Variants in NEXN observed in about 807,000 individuals in gnomAD.
The protein encoded by NEXN is nexilin.
In NEXN, 65 loss-of-function variants were observed where a neutral mutation model predicts 92.6. The observed-to-expected ratio is 0.70, with a 90% CI of 0.57 to 0.86. The LOEUF (loss-of-function observed/expected upper bound fraction) is 0.86, where lower values mean the gene tolerates loss of function less well. NEXN is among the 40% of genes least tolerant of loss of function. The pLI is 0.00. For missense variants in NEXN, 778 were observed against 771.1 expected, an observed-to-expected ratio of 1.01 and a Z score of -0.11; for synonymous variants, 254 against 242.5, an observed-to-expected ratio of 1.05 and a Z score of -0.44.
intron 5 of NEXN, among the ~76,000 whole-genome samples, chr1:77,918,668 G>GAAAAAAAAAAAA (rs376219706): frequency 1.3e-5 from 1 of 77,180 alleles, no homozygotes; most frequent in Admixed American, 1.4e-4. Flanking sequence ...CTATCTCAAA[G>GAAAAAAAAAAAA]AAAAAAAAAA....
intron 1 of NEXN, among the ~76,000 whole-genome samples, chr1:77,900,170 G>C (rs980797745): frequency 4.6e-5 from 7 of 152,116 alleles, no homozygotes; most frequent in African/African-American, 1.7e-4. Flanking sequence ...TAGCTCCCCA[G>C]ATTTGCAATG....
At chr1:77,931,542 A>G (rs1650312382) in intron 9 of NEXN, 1 of 152,174 alleles carries the variant, frequency 6.6e-6, no homozygotes, top group African/African-American at 2.4e-5. Flanking sequence ...ACTAGCGGAA[A>G]AAATGCAGGC....
intron 1 of NEXN, among the ~76,000 whole-genome samples, chr1:77,900,612 T>C (rs2102046967): frequency 6.6e-6 from 1 of 152,328 alleles, no homozygotes; most frequent in South Asian, 2.1e-4. Flanking sequence ...TGGGTTATAC[T>C]AATATTGCAA....
intron 5 of NEXN, among the ~76,000 whole-genome samples, chr1:77,922,462 T>C (rs879336391): frequency 6.3e-4 from 96 of 152,014 alleles, no homozygotes; most frequent in Non-Finnish European, 1.2e-3. Context: ...TATTTTATTA[T>C]AGATCCATTA....
rs937917224 is a variant in NEXN, at chr1:77,943,602, A to G, written c.*773A>G. ...CGTATGTAATATATATTAAATTTAT[A>G]AAGCAAATTTATGTTGTGATCTTGC... On this transcript the variant is annotated 3_prime_UTR_variant, in exon 13 of 13. Transcript: ENST00000334785. The G allele has an allele frequency of 6.6e-6, 1 of 152,050 alleles. No individual in the cohort carries two copies. Among genetic ancestry groups the G allele is most frequent in the Non-Finnish European group, 1.5e-5 (1 of 67,920 alleles). 9.4% of individuals were successfully genotyped at this position (152,050 alleles called of 1,614,324 possible). A position where few individuals can be genotyped will look rare whatever the true frequency, so the allele number is the denominator to read the frequency against.
chr1:77,912,311 T>TG (rs891118086), intron 1 of NEXN, among the ~76,000 whole-genome samples: 6 of 152,178 alleles, frequency 3.9e-5, no homozygotes, highest in South Asian at 4.1e-4. Flanking sequence ...ATGTATATAA[T>TG]GGGGGGGACA....
intron 2 of NEXN, among the ~76,000 whole-genome samples, chr1:77,917,360 C>G (rs189721155): frequency 1.3e-5 from 2 of 152,112 alleles, no homozygotes; most frequent in African/African-American, 4.8e-5. Flanking sequence ...GAAATTTCTA[C>G]TCTCATATTT....
chr1:77,899,748 C>T (rs1323506255), intron 1 of NEXN, among the ~76,000 whole-genome samples: 1 of 152,014 alleles, frequency 6.6e-6, no homozygotes, highest in Non-Finnish European at 1.5e-5. Context: ...CCTTTCATCT[C>T]CCCAAGCTTA....
chr1:77,931,250 A>C (rs1249322918), intron 9 of NEXN, among the ~76,000 whole-genome samples: 2 of 14,096 alleles, frequency 1.4e-4, no homozygotes, highest in Admixed American at 8.3e-4. Flanking sequence ...AAAAAAAAAA[A>C]AAAAAAAAAA....
chr1:77,894,215 C>T (rs138108806), intron 1 of NEXN, among the ~76,000 whole-genome samples: 10 of 152,140 alleles, frequency 6.6e-5, no homozygotes, highest in African/African-American at 2.4e-4. Flanking sequence ...CCTCGGCCTC[C>T]CAAAGTGCTA....
intron 11 of NEXN, among the ~76,000 whole-genome samples, chr1:77,940,589 G>A (rs973111456): frequency 2.6e-5 from 4 of 152,116 alleles, no homozygotes; most frequent in Non-Finnish European, 4.4e-5. Flanking sequence ...AAATCTGAAA[G>A]GCAAGTTATT....
intron 11 of NEXN, among the ~76,000 whole-genome samples, chr1:77,937,676 G>T (rs1157026744): frequency 6.6e-6 from 1 of 152,058 alleles, no homozygotes; most frequent in Non-Finnish European, 1.5e-5. Flanking sequence ...GCGACAGAGC[G>T]AGTCTCCATC....
intron 11 of NEXN, chr1:77,941,820 A>AT: frequency 1.8e-6 from 1 of 563,812 alleles, no homozygotes; most frequent in Non-Finnish European, 3.1e-6. Flanking sequence ...GAAAAAGTCT[A>AT]TAACTAAGAG....
intron 10 of NEXN, among the ~76,000 whole-genome samples, chr1:77,933,736 AG>A (rs1199116172): frequency 2.0e-5 from 3 of 152,198 alleles, no homozygotes; most frequent in Non-Finnish European, 4.4e-5. Context: ...TTATATTTGT[AG>A]TTCATAAATA....
intron 3 of NEXN, 96 bp from the exon 4 acceptor site, chr1:77,917,864 C>T (rs1649099828): frequency 9.7e-6 from 14 of 1,439,632 alleles, no homozygotes; most frequent in Non-Finnish European, 1.4e-5. Context: ...AACTAAAATA[C>T]TTTTCTGTAT....
At chr1:77,896,170 C>CAATAAATA (rs60137071) in intron 1 of NEXN, among the ~76,000 whole-genome samples, 4,596 of 144,286 alleles carry the variant, frequency 0.032, 112 homozygotes, top group East Asian at 0.092. Context: ...GACTTTGTCT[C>CAATAAATA]AATAAATAAA....
chr1:77,912,622 TAG>T (rs1648676810), intron 1 of NEXN, among the ~76,000 whole-genome samples: 1 of 152,070 alleles, frequency 6.6e-6, no homozygotes, highest in African/African-American at 2.4e-5. Flanking sequence ...TGAAACCGAA[TAG>T]AGAGCCCAGA....
intron 1 of NEXN, among the ~76,000 whole-genome samples, chr1:77,906,968 G>A (rs1648161676): frequency 6.6e-6 from 1 of 152,048 alleles, no homozygotes; most frequent in African/African-American, 2.4e-5. Flanking sequence ...TTGGAGAGAA[G>A]GTTTGATAAT....
At chr1:77,892,211 G>C (rs933626727) in intron 1 of NEXN, among the ~76,000 whole-genome samples, 4 of 152,096 alleles carry the variant, frequency 2.6e-5, no homozygotes, top group African/African-American at 9.7e-5. Flanking sequence ...CTTTTTTAAA[G>C]AAATTATTTT....
Sources: gnomAD v4.1 joint callset for allele counts (sites outside exome capture counted in the v4.1 genomes callset) on GRCh38, gnomAD v4.1.1 for gene constraint, MANE v1.5 for transcripts, NCBI Gene and HGNC (gene_info 2026-07-23, HGNC 2026-07-21) for gene names.